Variants in PCDH11X observed in about 807,000 individuals in gnomAD.
The protein encoded by PCDH11X is protocadherin 11 X-linked.
A neutral mutation model predicts 53.3 loss-of-function variants in PCDH11X; 18 were observed. The observed-to-expected ratio is 0.34, with a 90% CI of 0.23 to 0.50. The LOEUF (loss-of-function observed/expected upper bound fraction) is 0.50. Among genes scored for constraint, PCDH11X ranks in the 20% least tolerant of loss-of-function variants. The probability of loss-of-function intolerance (pLI) is 0.98; values close to 1 mark genes in which losing one functional copy is unlikely to be tolerated. For synonymous variants in PCDH11X, 279 were observed against 393.3 expected (o/e 0.71, Z 3.44); for missense variants, 570 against 1,032.4 (o/e 0.55, Z 6.14).
At chrX:92,205,347 C>T (rs1458783851) in intron 7 of PCDH11X, among the ~76,000 whole-genome samples, 1 of 111,733 alleles carries the variant, frequency 8.9e-6, no homozygotes, top group Non-Finnish European at 1.9e-5. Flanking sequence ...ATCCCACCTA[C>T]ACCTGTATCC....
intron 4 of PCDH11X, among the ~76,000 whole-genome samples, chrX:91,832,688 G>T (rs1384031043): frequency 4.5e-5 from 5 of 110,107 alleles, no homozygotes; most frequent in Non-Finnish European, 9.5e-5. Context: ...ATTTAGAATG[G>T]ATTGAGGGAG....
At chrX:92,502,249 G>C (rs1177484992) in intron 10 of PCDH11X, among the ~76,000 whole-genome samples, 2 of 109,940 alleles carry the variant, frequency 1.8e-5, no homozygotes, top group Non-Finnish European at 3.8e-5. Context: ...AACATTCCAG[G>C]CTCATGGATA....
rs778466088 is a variant in PCDH11X, at chrX:92,445,192, C to CTTTTTTTTT, written c.3344-23090_3344-23082dup. Among the ~76,000 whole-genome samples the CTTTTTTTTT allele has an allele frequency of 2.2e-3, 36 of 16,522 alleles. 1 individual carries two copies. Among genetic ancestry groups the CTTTTTTTTT allele is most frequent in the East Asian group, 3.0e-3 (1 of 338 alleles). 14.3% of individuals were successfully genotyped at this position (16,522 alleles called of 115,157 possible). A position where few individuals can be genotyped will look rare whatever the true frequency, so the allele number is the denominator to read the frequency against. ...AACTGTGAATCCATTTGGTCCAGGG[C>CTTTTTTTTT]TTTTTTTTTTTTTTTTTTTTTTTTT... On this transcript the variant is annotated intron_variant, in intron 9 of 10. Transcript: ENST00000682573.
chrX:91,918,033 A>T (rs1941629079), intron 6 of PCDH11X, among the ~76,000 whole-genome samples: 1 of 100,389 alleles, frequency 1.0e-5, no homozygotes, highest in South Asian at 4.8e-4. Context: ...TATTGAAGAG[A>T]GACACATCAT....
intron 6 of PCDH11X, among the ~76,000 whole-genome samples, chrX:92,078,848 A>G (rs2063813864): frequency 9.0e-6 from 1 of 110,867 alleles, no homozygotes; most frequent in Non-Finnish European, 1.9e-5. Flanking sequence ...ATGATTTGGT[A>G]TGCACACACA....
intron 9 of PCDH11X, among the ~76,000 whole-genome samples, chrX:92,429,073 G>T (rs1250563477): frequency 9.9e-5 from 11 of 110,892 alleles, no homozygotes; most frequent in African/African-American, 3.6e-4. Context: ...TAGGGAAAAT[G>T]ATAACTAATT....
chrX:91,808,365 G>A, intron 1 of PCDH11X, among the ~76,000 whole-genome samples: 1 of 109,013 alleles, frequency 9.2e-6, no homozygotes. Flanking sequence ...CATGGTGACG[G>A]GTGCCTGTAA....
intron 10 of PCDH11X, among the ~76,000 whole-genome samples, chrX:92,586,284 G>GT (rs1424149360): frequency 9.3e-6 from 1 of 107,785 alleles, no homozygotes; most frequent in Admixed American, 1.0e-4. Context: ...CGAGAATTGT[G>GT]TTTTTTTCAA....
intron 6 of PCDH11X, among the ~76,000 whole-genome samples, chrX:92,014,297 C>A (rs1170100492): frequency 1.8e-5 from 2 of 112,227 alleles, no homozygotes; most frequent in African/African-American, 6.5e-5. Context: ...CTCATCATCA[C>A]TGGCCATCAG....
chrX:92,023,827 C>T (rs776610571), intron 6 of PCDH11X, among the ~76,000 whole-genome samples: 10 of 109,905 alleles, frequency 9.1e-5, no homozygotes, highest in African/African-American at 2.6e-4. Flanking sequence ...ACAATCAAGT[C>T]GGCTTCATCC....
At chrX:91,784,874 G>A (rs1935277004) in intron 1 of PCDH11X, among the ~76,000 whole-genome samples, 1 of 111,535 alleles carries the variant, frequency 9.0e-6, no homozygotes, top group Non-Finnish European at 1.9e-5. Flanking sequence ...GGAAAGAAAA[G>A]CCACTCTACT....
chrX:92,458,098 A>G lies in PCDH11X; in HGVS notation c.3344-10201A>G, dbSNP rs2072946813. 2.9e-5 allele frequency among the ~76,000 whole-genome samples: 3 copies of G among 104,163 alleles called. No individual in the cohort carries two copies. The Admixed American group carries it at 3.2e-4, about 11-fold the overall frequency. The allele number at this position is 104,163 out of a possible 115,157, so 90.5% of individuals were successfully genotyped here. A position where few individuals can be genotyped will look rare whatever the true frequency, so the allele number is the denominator to read the frequency against. On this transcript the variant is annotated intron_variant, in intron 9 of 10. Transcript: ENST00000682573. ...ATCTCTGTTTCCAAACTATGTCCTA[A>G]GTTGTGTGCAGAGCTTAATATGTTT...
At chrX:92,602,786 G>A (rs2148809559) in intron 10 of PCDH11X, among the ~76,000 whole-genome samples, 1 of 90,225 alleles carries the variant, frequency 1.1e-5, no homozygotes, top group East Asian at 3.4e-4. Context: ...GAGGGTAGTG[G>A]TATCAGTATT....
intron 10 of PCDH11X, among the ~76,000 whole-genome samples, chrX:92,605,680 C>T (rs1051540630): frequency 1.8e-5 from 2 of 111,177 alleles, no homozygotes; most frequent in African/African-American, 6.5e-5. Context: ...TATATTCTAG[C>T]GTTAAACATT....
At chrX:92,389,993 C>G (rs1206802045) in intron 9 of PCDH11X, among the ~76,000 whole-genome samples, 1 of 109,631 alleles carries the variant, frequency 9.1e-6, no homozygotes, top group Non-Finnish European at 1.9e-5. Flanking sequence ...GTTGCTCAAT[C>G]GATTTTATTT....
chrX:92,420,555 A>T (rs145851025), intron 9 of PCDH11X: 7,589 of 346,921 alleles, frequency 0.022, 312 homozygotes, highest in African/African-American at 0.13. Flanking sequence ...TTTTTAATGG[A>T]TATTTAATGG....
intron 6 of PCDH11X, among the ~76,000 whole-genome samples, chrX:92,180,831 C>T (rs1462342420): frequency 9.1e-6 from 1 of 110,045 alleles, no homozygotes; most frequent in African/African-American, 3.3e-5. Context: ...GAGGCCTCTC[C>T]AGCCATGTGG....
intron 6 of PCDH11X, among the ~76,000 whole-genome samples, chrX:91,934,242 A>C (rs1206570775): frequency 9.1e-6 from 1 of 110,443 alleles, no homozygotes; most frequent in Non-Finnish European, 1.9e-5. Flanking sequence ...TTCACGGCCC[A>C]AGCTATAAGA....
At chrX:92,109,172 A>G (rs1249430920) in intron 6 of PCDH11X, among the ~76,000 whole-genome samples, 3 of 111,198 alleles carry the variant, frequency 2.7e-5, no homozygotes, top group Non-Finnish European at 1.9e-5. Flanking sequence ...ATCACCTGAG[A>G]CCAGCCTGGC....
Sources: allele counts gnomAD v4.1 joint callset (sites outside exome capture counted in the v4.1 genomes callset), GRCh38; gene constraint gnomAD v4.1.1; transcripts MANE v1.5; gene names NCBI Gene and HGNC (gene_info 2026-07-23, HGNC 2026-07-21).